Variants in ZSWIM6 observed in about 807,000 individuals in gnomAD.
ZSWIM6 encodes the protein zinc finger SWIM domain-containing protein 6.
In ZSWIM6, 9 loss-of-function variants were observed where a neutral mutation model predicts 113.2. The observed-to-expected ratio is 0.08, with a 90% CI of 0.05 to 0.14. The LOEUF is 0.14. Ranked by LOEUF, ZSWIM6 falls within the 10% of genes least tolerant of loss-of-function variation. The probability of loss-of-function intolerance (pLI) is 1.00; values close to 1 mark genes in which losing one functional copy is unlikely to be tolerated. For synonymous variants in ZSWIM6, 611 were observed against 606.5 expected, an observed-to-expected ratio of 1.01 and a Z score of -0.11; for missense variants, 1,162 against 1,552.2, an observed-to-expected ratio of 0.75 and a Z score of 4.22.
intron 1 of ZSWIM6, among the ~76,000 whole-genome samples, chr5:61,434,294 T>TA (rs550865077): frequency 1.0e-3 from 157 of 151,124 alleles, no homozygotes; most frequent in African/African-American, 3.6e-3. Flanking sequence ...TACAGTTACT[T>TA]AAAGTTTTTT....
rs1744371940 is a variant in ZSWIM6 at position 61,335,445 on chromosome 5, C to A, written c.676+2497C>A. Among the ~76,000 whole-genome samples, 4 of 152,228 alleles carry A rather than the reference C, an allele frequency of 2.6e-5. No homozygotes were observed. In the South Asian group the frequency reaches 8.3e-4, roughly 31 times the overall value. ...GAACACTTATGATCAGGGTTCCCCC[C>A]ACCTCCCTTTATGGGGAACAGAGAG... is the stretch of plus-strand genomic sequence containing the variant. On this transcript the variant is annotated intron_variant, in intron 1 of 13. Coordinates refer to ENST00000252744, the MANE Select transcript of ZSWIM6 (RefSeq NM_020928.2).
At chr5:61,362,517 G>T (rs1745051933) in intron 1 of ZSWIM6, among the ~76,000 whole-genome samples, 1 of 152,042 alleles carries the variant, frequency 6.6e-6, no homozygotes, top group African/African-American at 2.4e-5. Context: ...AGTTTTACAG[G>T]TTTTCCCTGC....
At chr5:61,378,896 T>A (rs1745423679) in intron 1 of ZSWIM6, among the ~76,000 whole-genome samples, 1 of 151,988 alleles carries the variant, frequency 6.6e-6, no homozygotes, top group South Asian at 2.1e-4. Context: ...TACATGAAAT[T>A]GGGCTGGGCA....
intron 6 of ZSWIM6, 35 bp from the exon 7 acceptor site, chr5:61,526,215 A>G (rs1259263847): frequency 1.3e-6 from 2 of 1,523,684 alleles, no homozygotes; most frequent in Non-Finnish European, 1.8e-6. Context: ...TATATCTGAC[A>G]GTGGCAACTT....
chr5:61,500,804 G>A (rs895454193), intron 4 of ZSWIM6, among the ~76,000 whole-genome samples: 3 of 152,142 alleles, frequency 2.0e-5, no homozygotes, highest in African/African-American at 7.2e-5. Context: ...AGTGAAGTTT[G>A]TATCCCATTT....
chr5:61,390,938 G>T (rs2112091687), intron 1 of ZSWIM6: 3 of 794,186 alleles, frequency 3.8e-6, no homozygotes, highest in Non-Finnish European at 6.8e-6. Context: ...CCAGAGGGTG[G>T]CTTGTCAGAC....
At chr5:61,339,412 C>A (rs578102657) in intron 1 of ZSWIM6, among the ~76,000 whole-genome samples, 143 of 148,704 alleles carry the variant, frequency 9.6e-4, no homozygotes, top group African/African-American at 3.4e-3. Context: ...GAACCTGTCT[C>A]AAAAAAAAAA....
chr5:61,522,114 T>G (rs1346168192), intron 5 of ZSWIM6, among the ~76,000 whole-genome samples: 4 of 151,766 alleles, frequency 2.6e-5, no homozygotes. Context: ...TTTTTTGTTT[T>G]TTTTTAGCTT....
At chr5:61,424,331 T>G (rs1444504659) in intron 1 of ZSWIM6, among the ~76,000 whole-genome samples, 1 of 152,314 alleles carries the variant, frequency 6.6e-6, no homozygotes, top group Admixed American at 6.5e-5. Context: ...TTTTGAGTAG[T>G]TACTAGCTCT....
chr5:61,333,004 G>GT, intron 1 of ZSWIM6, 56 bp downstream of exon 1: 1 of 906,370 alleles, frequency 1.1e-6, no homozygotes. Context: ...CTGGGTGGGG[G>GT]GGGGGTGCCC....
chr5:61,369,720 T>A (rs1218378003), intron 1 of ZSWIM6, among the ~76,000 whole-genome samples: 1 of 152,204 alleles, frequency 6.6e-6, no homozygotes, highest in Non-Finnish European at 1.5e-5. Context: ...CAGCTCTGTA[T>A]ACTTACGTGA....
intron 4 of ZSWIM6, among the ~76,000 whole-genome samples, chr5:61,519,099 GAT>G (rs1749041255): frequency 6.6e-6 from 1 of 152,038 alleles, no homozygotes; most frequent in Non-Finnish European, 1.5e-5. Flanking sequence ...TTTTCTCATT[GAT>G]TGTTTTAAAA....
At chr5:61,390,142 A>G (rs1745673830) in intron 1 of ZSWIM6, among the ~76,000 whole-genome samples, 1 of 152,082 alleles carries the variant, frequency 6.6e-6, no homozygotes, top group South Asian at 2.1e-4. Context: ...TATACATCAC[A>G]CCTTCGCAAA....
At chr5:61,448,661 A>G (rs951485732) in intron 1 of ZSWIM6, among the ~76,000 whole-genome samples, 1 of 152,154 alleles carries the variant, frequency 6.6e-6, no homozygotes, top group Non-Finnish European at 1.5e-5. Context: ...CCTGAGAGAG[A>G]CAGACTGGTT....
intron 2 of ZSWIM6, among the ~76,000 whole-genome samples, chr5:61,477,872 G>A (rs1380386532): frequency 2.0e-5 from 3 of 152,200 alleles, no homozygotes; most frequent in East Asian, 1.9e-4. Flanking sequence ...GTCATTGTTC[G>A]TTCTGTTTTG....
At chr5:61,483,910 AATATAT>A (rs1299279239) in intron 2 of ZSWIM6, among the ~76,000 whole-genome samples, 2 of 150,656 alleles carry the variant, frequency 1.3e-5, no homozygotes, top group African/African-American at 2.4e-5. Flanking sequence ...AAATAAAATA[AATATAT>A]ATATAAATAG....
chr5:61,337,396 T>A (rs1247932617), intron 1 of ZSWIM6, among the ~76,000 whole-genome samples: 1 of 152,242 alleles, frequency 6.6e-6, no homozygotes, highest in African/African-American at 2.4e-5. Flanking sequence ...TTGAAGAGAT[T>A]TGGGAAAAAG....
chr5:61,335,671 G>C (rs1490456183), intron 1 of ZSWIM6, among the ~76,000 whole-genome samples: 2 of 152,230 alleles, frequency 1.3e-5, no homozygotes, highest in Non-Finnish European at 2.9e-5. Context: ...CAAGTGTACA[G>C]AAAGTATTCA....
chr5:61,333,863 G>A (rs1036256188), intron 1 of ZSWIM6, among the ~76,000 whole-genome samples: 1 of 152,104 alleles, frequency 6.6e-6, no homozygotes, highest in African/African-American at 2.4e-5. Context: ...CCCCGGGCGA[G>A]CCGCGGTCGG....
Sources: gnomAD v4.1 joint callset for allele counts (sites outside exome capture counted in the v4.1 genomes callset) on GRCh38, gnomAD v4.1.1 for gene constraint, MANE v1.5 for transcripts, NCBI Gene and HGNC (gene_info 2026-07-23, HGNC 2026-07-21) for gene names.